MALRD1: variants seen among roughly 807,000 people sequenced by gnomAD.
MALRD1 encodes the protein MAM and LDL receptor class A domain containing 1, also known as MAM and LDL-receptor class A domain-containing protein 1.
Under a neutral mutation model 242.1 loss-of-function variants are expected in MALRD1, and 247 were observed. That is an observed-to-expected ratio of 1.02 (90% CI 0.92 to 1.13). MALRD1 has a LOEUF of 1.13. MALRD1 is among the 50% of genes most tolerant of loss of function. The pLI, the probability that MALRD1 is intolerant of heterozygous loss-of-function variation, is 0.00. For synonymous variants in MALRD1, 995 were observed against 866.6 expected (o/e 1.15, Z -2.60); for missense variants, 2,989 against 2,533.1 (o/e 1.18, Z -3.86).
rs921530383 is a variant in MALRD1, at chr10:19,603,547, G to C, written c.5945-4230G>C. 3.9e-5 allele frequency among the ~76,000 whole-genome samples: 6 copies of C among 152,164 alleles called. No homozygotes were observed. The East Asian group carries it at 7.8e-4, about 20-fold the overall frequency. The stretch of plus-strand genomic sequence containing the variant: ...CTGAGGGCTCTGTTCTGTTCCATTG[G>C]TCTATATCTCTGTTTTGGTACCAGT... On this transcript the variant is annotated intron_variant, in intron 34 of 39. Transcript: ENST00000454679.
intron 29 of MALRD1, among the ~76,000 whole-genome samples, chr10:19,483,782 A>C (rs1837120963): frequency 6.6e-6 from 1 of 152,156 alleles, no homozygotes; most frequent in African/African-American, 2.4e-5. Context: ...ATATATATTC[A>C]AAAGAAAAGA....
Position 19,626,742 on chromosome 10 carries a change from A to G in MALRD1, c.6137+10819A>G, listed in dbSNP as rs557973796. 8.7e-4 allele frequency among the ~76,000 whole-genome samples: 132 copies of G among 152,034 alleles called. 1 individual carries two copies. Among genetic ancestry groups the G allele is most frequent in the African/African-American group, 3.1e-3 (129 of 41,440 alleles). On this transcript the variant is annotated intron_variant, in intron 36 of 39. Coordinates refer to ENST00000454679, the MANE Select transcript of MALRD1 (RefSeq NM_001142308.3). ...AAATAAATGGATAGAAAAAAAAAAA[A>G]TGAACAAACCACTTTCTAGAGTTAG...
At chr10:19,278,016 C>A (rs149943495) in intron 19 of MALRD1, among the ~76,000 whole-genome samples, 2 of 152,146 alleles carry the variant, frequency 1.3e-5, no homozygotes, top group Non-Finnish European at 2.9e-5. Flanking sequence ...TTGAAATAGA[C>A]ATTTTATATC....
At chr10:19,536,457 C>G (rs763644056) in intron 32 of MALRD1, among the ~76,000 whole-genome samples, 3 of 151,616 alleles carry the variant, frequency 2.0e-5, no homozygotes, top group Admixed American at 6.6e-5. Context: ...TCCTTCGTCC[C>G]TCTCGTTTTA....
intron 32 of MALRD1, among the ~76,000 whole-genome samples, chr10:19,539,897 T>TGTGTGTGCGCGCGC (rs1365113182): frequency 2.3e-5 from 1 of 44,418 alleles, no homozygotes; most frequent in African/African-American, 6.7e-5. Flanking sequence ...TGTGTGTGTG[T>TGTGTGTGCGCGCGC]GCGCGCGCGC....
intron 28 of MALRD1, among the ~76,000 whole-genome samples, chr10:19,430,845 T>A (rs2130946348): frequency 6.6e-6 from 1 of 152,312 alleles, no homozygotes; most frequent in African/African-American, 2.4e-5. Flanking sequence ...AAAACAAGCA[T>A]AAATTTAAGT....
rs146787504 is a variant in MALRD1 at position 19,227,006 on chromosome 10, T to C, written c.2991+17326T>C. ...TTTCTAAATCACTAATACGAGAAAT[T>C]GAATAGGTAGAAATATGTATGAAGT... On this transcript the variant is annotated intron_variant, in intron 18 of 39. Transcript: ENST00000454679. 1.8e-3 allele frequency among the ~76,000 whole-genome samples: 277 copies of C among 152,116 alleles called. 1 individual carries two copies. Among genetic ancestry groups the C allele is most frequent in the African/African-American group, 6.4e-3 (265 of 41,554 alleles).
chr10:19,406,481 C>G (rs772440666), intron 28 of MALRD1, among the ~76,000 whole-genome samples: 1 of 152,114 alleles, frequency 6.6e-6, no homozygotes, highest in Admixed American at 6.6e-5. Context: ...TCAGTGATAG[C>G]TGGGCCTCGA....
chr10:19,291,905 T>G (rs2131922721), intron 21 of MALRD1, among the ~76,000 whole-genome samples: 1 of 151,724 alleles, frequency 6.6e-6, no homozygotes, highest in South Asian at 2.1e-4. Flanking sequence ...GTCAACTTGG[T>G]GAAACCCCAT....
intron 12 of MALRD1, among the ~76,000 whole-genome samples, chr10:19,157,976 T>C (rs952199972): frequency 2.0e-5 from 3 of 152,220 alleles, no homozygotes; most frequent in Non-Finnish European, 2.9e-5. Context: ...CTAATCATTG[T>C]TCAAGATGCA....
At chr10:19,373,536 A>AAAGG (rs1466143184) in intron 26 of MALRD1, among the ~76,000 whole-genome samples, 2 of 152,072 alleles carry the variant, frequency 1.3e-5, no homozygotes, top group South Asian at 2.1e-4. Context: ...GAAAGAAAGA[A>AAAGG]AAGGAAGGAA....
At chr10:19,246,447 C>G (rs1357257476) in intron 18 of MALRD1, among the ~76,000 whole-genome samples, 1 of 152,118 alleles carries the variant, frequency 6.6e-6, no homozygotes, top group Non-Finnish European at 1.5e-5. Context: ...TTATTTTCTT[C>G]TGCTGTAAAA....
At chr10:19,234,964 A>G (rs916109499) in intron 18 of MALRD1, among the ~76,000 whole-genome samples, 11 of 152,154 alleles carry the variant, frequency 7.2e-5, no homozygotes, top group African/African-American at 1.2e-4. Context: ...GTCTCTGCAA[A>G]TCTACATGGA....
intron 32 of MALRD1, among the ~76,000 whole-genome samples, chr10:19,557,000 G>T (rs189901643): frequency 6.6e-6 from 1 of 152,172 alleles, no homozygotes; most frequent in East Asian, 1.9e-4. Context: ...AAGATGTTTA[G>T]TGTCATCCCA....
chr10:19,666,023 A>G (rs1413123535), intron 36 of MALRD1, among the ~76,000 whole-genome samples: 1 of 151,896 alleles, frequency 6.6e-6, no homozygotes, highest in Non-Finnish European at 1.5e-5. Context: ...CAGGAGGGAG[A>G]TAGGTGTCCT....
intron 19 of MALRD1, among the ~76,000 whole-genome samples, chr10:19,270,374 A>C (rs1291706119): frequency 7.4e-6 from 1 of 134,694 alleles, no homozygotes; most frequent in African/African-American, 2.7e-5. Flanking sequence ...ACACACACAC[A>C]CACCAGACTG....
At chr10:19,094,904 G>A (rs1417860633) in intron 4 of MALRD1, among the ~76,000 whole-genome samples, 1 of 152,138 alleles carries the variant, frequency 6.6e-6, no homozygotes, top group Non-Finnish European at 1.5e-5. Context: ...ATTATTACCA[G>A]TTCTTGAAGA....
intron 25 of MALRD1, among the ~76,000 whole-genome samples, chr10:19,349,784 A>G (rs1844292920): frequency 6.6e-6 from 1 of 152,164 alleles, no homozygotes; most frequent in East Asian, 1.9e-4. Flanking sequence ...AATACAAAAT[A>G]CGAAAATTCC....
At chr10:19,292,492 C>T (rs962298346) in intron 21 of MALRD1, among the ~76,000 whole-genome samples, 1 of 152,112 alleles carries the variant, frequency 6.6e-6, no homozygotes, top group African/African-American at 2.4e-5. Flanking sequence ...TGATCGTTAT[C>T]TTTCAGTTGG....
Sources: allele counts gnomAD v4.1 joint callset (sites outside exome capture counted in the v4.1 genomes callset), GRCh38; gene constraint gnomAD v4.1.1; transcripts MANE v1.5; gene names NCBI Gene and HGNC (gene_info 2026-07-23, HGNC 2026-07-21).